The following CAPSL variants were observed in gnomAD, a reference collection of about 807,000 sequenced individuals.
The protein encoded by CAPSL is calcyphosin-like protein.
In CAPSL, 17 loss-of-function variants were observed where a neutral mutation model predicts 21.3. The observed-to-expected ratio is 0.80, with a 90% CI of 0.55 to 1.20. The LOEUF (loss-of-function observed/expected upper bound fraction) is 1.20, where lower values mean the gene tolerates loss of function less well. Among genes scored for constraint, CAPSL ranks in the 50% most tolerant of loss-of-function variants. The pLI, the probability that CAPSL is intolerant of heterozygous loss-of-function variation, is 0.00. For missense variants in CAPSL, 289 were observed against 259.3 expected (o/e 1.11, Z -0.79); for synonymous variants, 102 against 89.3 (o/e 1.14, Z -0.80).
At chr5:35,917,797 C>T (rs1003514992) in intron 2 of CAPSL, among the ~76,000 whole-genome samples, 1 of 152,122 alleles carries the variant, frequency 6.6e-6, no homozygotes, top group African/African-American at 2.4e-5. Context: ...AGCACACCAA[C>T]ATGGCACATG....
At chr5:35,925,330 A>G (rs1738644559) in intron 1 of CAPSL, among the ~76,000 whole-genome samples, 1 of 152,164 alleles carries the variant, frequency 6.6e-6, no homozygotes, top group African/African-American at 2.4e-5. Flanking sequence ...TGATGTCTAA[A>G]CTTTCATCCT....
At chr5:35,905,575 C>G (rs183286941) in intron 4 of CAPSL, among the ~76,000 whole-genome samples, 1 of 152,220 alleles carries the variant, frequency 6.6e-6, no homozygotes, top group Admixed American at 6.5e-5. Context: ...CATAGTTGAA[C>G]TGTAAATACA....
chr5:35,918,039 G>A (rs1738437939), intron 2 of CAPSL, among the ~76,000 whole-genome samples: 1 of 152,308 alleles, frequency 6.6e-6, no homozygotes, highest in East Asian at 1.9e-4. Context: ...CATTGTGAAA[G>A]ACAGAGTGGC....
chr5:35,921,015 T>A lies in CAPSL; in HGVS notation c.106A>T (p.Arg36Trp). ...IERLRLQCLARGSAGIKGLGR... is the reference protein window; with the variant it reads ...IERLRLQCLAWGSAGIKGLGR... ...AGTCCTTTGATCCCAGCAGAGCCCCTGGCCAGGCACTGCAGTCGGAGTCTT... is the reference window on the plus strand; with the variant it reads ...AGTCCTTTGATCCCAGCAGAGCCCCAGGCCAGGCACTGCAGTCGGAGTCTT... Residue 36 changes from arginine to tryptophan, a missense_variant, in exon 2 of 5, where the codon AGG (arginine) becomes TGG (tryptophan). By Grantham distance (101) the Arg-to-Trp change is moderately radical. Coordinates refer to ENST00000651391, the MANE Select transcript of CAPSL (RefSeq NM_001042625.2). 6.2e-7 allele frequency: 1 copy of A among 1,614,126 alleles called. No homozygotes were observed. Among genetic ancestry groups the A allele is most frequent in the Non-Finnish European group, 8.5e-7 (1 of 1,180,018 alleles).
chr5:35,925,856 C>T (rs1179198144), intron 1 of CAPSL, among the ~76,000 whole-genome samples: 1 of 152,108 alleles, frequency 6.6e-6, no homozygotes, highest in Admixed American at 6.5e-5. Context: ...ACGGGCGGAT[C>T]ACCTGAGGTC....
At chr5:35,938,129 G>C (rs2149937534) in intron 1 of CAPSL, among the ~76,000 whole-genome samples, 2 of 152,290 alleles carry the variant, frequency 1.3e-5, no homozygotes, top group African/African-American at 4.8e-5. Context: ...AATGAAAGTT[G>C]AAATGTTTTA....
chr5:35,913,598 A>C (rs1015820701), intron 2 of CAPSL, among the ~76,000 whole-genome samples: 5 of 152,216 alleles, frequency 3.3e-5, no homozygotes, highest in Non-Finnish European at 4.4e-5. Flanking sequence ...TTTCGTATCC[A>C]GCCAAACTAA....
intron 2 of CAPSL, among the ~76,000 whole-genome samples, chr5:35,915,307 C>A (rs1162970985): frequency 6.6e-6 from 1 of 152,214 alleles, no homozygotes; most frequent in Non-Finnish European, 1.5e-5. Context: ...ACCATTCCTT[C>A]TGAAACTATT....
chr5:35,919,182 TATATATATAA>T (rs1164342130), intron 2 of CAPSL, among the ~76,000 whole-genome samples: 2 of 145,006 alleles, frequency 1.4e-5, no homozygotes, highest in African/African-American at 5.0e-5. Flanking sequence ...TATATATATA[TATATATATAA>T]AAATTGTGAA....
intron 3 of CAPSL, 65 bp downstream of exon 3, chr5:35,910,301 G>T: frequency 6.5e-7 from 1 of 1,536,320 alleles, no homozygotes; most frequent in South Asian, 1.2e-5. Flanking sequence ...AAAACCTCAA[G>T]GTAGCCAACC....
intron 1 of CAPSL, among the ~76,000 whole-genome samples, chr5:35,935,010 T>C: frequency 6.6e-6 from 1 of 152,164 alleles, no homozygotes; most frequent in East Asian, 1.9e-4. Context: ...TCACAGATTT[T>C]AAGATGCACC....
rs1328263175 is a variant in CAPSL at position 35,919,168 on chromosome 5, A to ATTATATATATATATAT, written c.137+1815_137+1816insATATATATATATATAA. 2.8e-3 allele frequency among the ~76,000 whole-genome samples: 320 copies of ATTATATATATATATAT among 112,954 alleles called. 6 individuals carry two copies. Among genetic ancestry groups the ATTATATATATATATAT allele is most frequent in the African/African-American group, 0.01 (311 of 30,978 alleles). The allele number at this position is 112,954 out of a possible 152,430, so 74.1% of individuals were successfully genotyped here. On this transcript the variant is annotated intron_variant, in intron 2 of 4. Transcript: ENST00000651391. ...CTAGTATCTTTCCTGATTAAAAAAA[A>ATTATATATATATATAT]AAATATATATATATATATATATAAA...
chr5:35,937,444 G>A (rs1738979909), intron 1 of CAPSL, among the ~76,000 whole-genome samples: 1 of 152,106 alleles, frequency 6.6e-6, no homozygotes, highest in Non-Finnish European at 1.5e-5. Flanking sequence ...GTATCTCTGT[G>A]CCTTTGTACA....
intron 4 of CAPSL, among the ~76,000 whole-genome samples, chr5:35,908,991 C>T (rs962670480): frequency 6.6e-6 from 1 of 152,172 alleles, no homozygotes; most frequent in Non-Finnish European, 1.5e-5. Context: ...ACAATGAACC[C>T]TGGGGCTGTG....
chr5:35,924,498 G>A (rs1738618914), intron 1 of CAPSL, among the ~76,000 whole-genome samples: 1 of 152,156 alleles, frequency 6.6e-6, no homozygotes, highest in South Asian at 2.1e-4. Flanking sequence ...CCCACCTCTT[G>A]AGGCTGACCC....
chr5:35,906,016 A>G (rs935058446), intron 4 of CAPSL, among the ~76,000 whole-genome samples: 1 of 152,234 alleles, frequency 6.6e-6, no homozygotes, highest in Non-Finnish European at 1.5e-5. Flanking sequence ...GTCCTCAAAA[A>G]GTTGCAGGCT....
chr5:35,922,708 G>A (rs1245659788), intron 1 of CAPSL, among the ~76,000 whole-genome samples: 1 of 152,164 alleles, frequency 6.6e-6, no homozygotes, highest in Non-Finnish European at 1.5e-5. Flanking sequence ...GACACCTGCA[G>A]CCAAGACTGT....
chr5:35,929,879 T>A (rs1246578815), intron 1 of CAPSL, among the ~76,000 whole-genome samples: 1 of 152,158 alleles, frequency 6.6e-6, no homozygotes, highest in South Asian at 2.1e-4. Context: ...AAATACCTTA[T>A]GGTTAAGAAG....
intron 1 of CAPSL, among the ~76,000 whole-genome samples, chr5:35,927,234 C>T (rs895072820): frequency 3.9e-5 from 6 of 152,194 alleles, no homozygotes; most frequent in African/African-American, 1.4e-4. Context: ...GTGACAACAG[C>T]AGCCGTCTGC....
Sources: gnomAD v4.1 joint callset for allele counts (sites outside exome capture counted in the v4.1 genomes callset) on GRCh38, gnomAD v4.1.1 for gene constraint, MANE v1.5 for transcripts, NCBI Gene and HGNC (gene_info 2026-07-23, HGNC 2026-07-21) for gene names.